The following POLN variants were observed in gnomAD, a reference collection of about 807,000 sequenced individuals.
POLN encodes the protein DNA polymerase N.
POLN carries 108 observed loss-of-function variants against 113.5 expected under a neutral mutation model. The observed-to-expected ratio is 0.95, with a 90% CI of 0.81 to 1.12. POLN has a LOEUF of 1.12. Among genes scored for constraint, POLN ranks in the 50% most tolerant of loss-of-function variants. POLN has a pLI of 0.00. For synonymous variants in POLN, 386 were observed against 391.5 expected (o/e 0.99, Z 0.17); for missense variants, 1,097 against 1,077.1 (o/e 1.02, Z -0.26).
intron 8 of POLN, chr4:2,177,181 A>G (rs1733018238): frequency 2.9e-6 from 1 of 340,658 alleles, no homozygotes; most frequent in African/African-American, 2.2e-5. Flanking sequence ...ACACCCCAAA[A>G]CTGACCATGT....
chr4:2,128,714 C>T (rs528686017), intron 18 of POLN, among the ~76,000 whole-genome samples: 12 of 152,220 alleles, frequency 7.9e-5, no homozygotes, highest in East Asian at 3.9e-4. Context: ...GGTGATGTGA[C>T]GGGACACTGC....
chr4:2,095,920 C>A lies in POLN; in HGVS notation c.1996G>T (p.Val666Leu), dbSNP rs571169469. ...TLTSQWKDVPVEQVTHADREQ... is the reference protein window; with the variant it reads ...TLTSQWKDVPLEQVTHADREQ... Reference sequence around the variant, plus strand: ...CTGTCTGCGTGTGTCACCTGTTCCACGGGCACATCCTTCCTGCATGGAGAG... The same window carrying A: ...CTGTCTGCGTGTGTCACCTGTTCCAAGGGCACATCCTTCCTGCATGGAGAG... Residue 666 changes from valine (V) to leucine (L), a missense_variant, in exon 20 of 26, where the codon GTG (valine) becomes TTG (leucine). Physicochemically the swap from Val to Leu is conservative, Grantham distance 32. Transcript: ENST00000511885. The A allele has an allele frequency of 1.2e-6, 2 of 1,614,160 alleles. No individual in the cohort carries two copies. Among genetic ancestry groups the A allele is most frequent in the Non-Finnish European group, 8.5e-7 (1 of 1,180,014 alleles).
At chr4:2,106,044 G>C (rs780755063) in intron 19 of POLN, among the ~76,000 whole-genome samples, 18 of 151,988 alleles carry the variant, frequency 1.2e-4, no homozygotes, top group African/African-American at 4.1e-4. Context: ...AGTTTACTCC[G>C]GTACTCTTTT....
intron 13 of POLN, 148 bp downstream of exon 13, chr4:2,170,531 C>T: frequency 1.6e-6 from 1 of 633,648 alleles, no homozygotes; most frequent in Non-Finnish European, 2.7e-6. Context: ...AGAAAAGCAA[C>T]CTTGGTGTGG....
chr4:2,222,117 G>A (rs1185114757), intron 3 of POLN, among the ~76,000 whole-genome samples: 1 of 152,054 alleles, frequency 6.6e-6, no homozygotes, highest in Non-Finnish European at 1.5e-5. Flanking sequence ...ATTCACATGG[G>A]TTTCGCCATG....
intron 7 of POLN, 130 bp downstream of exon 7, chr4:2,193,074 A>C (rs199548022): frequency 3.1e-6 from 2 of 643,746 alleles, no homozygotes; most frequent in East Asian, 6.3e-5. Context: ...GCCCATCAGG[A>C]GGCATATCAG....
rs776787267 is a variant in POLN, at chr4:2,073,013, G to A, written c.2472C>T (p.Thr824=). The A allele has an allele frequency of 5.0e-6, 8 of 1,613,518 alleles. No individual in the cohort carries two copies. In the East Asian group the frequency reaches 1.1e-4, roughly 22 times the overall value. The change falls in exon 25 of 26, where the codon ACC becomes ACT. Residue 824 remains threonine (T), a synonymous_variant. Coordinates refer to ENST00000511885, the MANE Select transcript of POLN (RefSeq NM_181808.4). ...CCTGCACCTGTTCCAAGGACTCCAT[G>A]GTCCTCCTGACGAGAGCTAGAGTGC... ...IPECAALVRR[T]MESLEQVQAL...
At chr4:2,183,327 T>C (rs1321312274) in intron 7 of POLN, among the ~76,000 whole-genome samples, 3 of 152,184 alleles carry the variant, frequency 2.0e-5, no homozygotes, top group Non-Finnish European at 4.4e-5. Context: ...GTTGAAAATA[T>C]GTCCACGCAA....
chr4:2,075,432 C>T lies in POLN; in HGVS notation c.2455+20G>A, dbSNP rs372841495. The T allele has an allele frequency of 4.3e-6, 7 of 1,612,818 alleles. No individual in the cohort carries two copies. The African/African-American group carries it at 9.3e-5, about 22-fold the overall frequency. ...TAGCTGTCTGTGATGTCCAAGCAAC[C>T]CTGTGTTGCCCCAGGCTACCTGCAC... is the stretch of plus-strand genomic sequence containing the variant. On this transcript the variant is annotated intron_variant, in intron 24 of 25. Coordinates refer to ENST00000511885, the MANE Select transcript of POLN (RefSeq NM_181808.4).
intron 3 of POLN, among the ~76,000 whole-genome samples, chr4:2,215,818 T>C (rs1734099972): frequency 6.6e-6 from 1 of 152,208 alleles, no homozygotes; most frequent in African/African-American, 2.4e-5. Flanking sequence ...TGGGATGAAC[T>C]ACATCTTGCT....
chr4:2,115,991 C>T (rs1731308235), intron 19 of POLN, among the ~76,000 whole-genome samples: 1 of 152,194 alleles, frequency 6.6e-6, no homozygotes, highest in Non-Finnish European at 1.5e-5. Flanking sequence ...GTTCACTTTG[C>T]CCTCTAGTCC....
Position 2,170,787 on chromosome 4 carries a change from A to C in POLN, c.1459-13T>G. 1 of 1,605,628 alleles carries C rather than the reference A, an allele frequency of 6.2e-7. No homozygotes were observed. ...TGCCAAAGAGGATCTTCAACAAAACAAATTAAACATGGTGAGGGAATCTCA... is the reference window on the plus strand; with the variant it reads ...TGCCAAAGAGGATCTTCAACAAAACCAATTAAACATGGTGAGGGAATCTCA... On this transcript the variant is annotated splice_polypyrimidine_tract_variant and intron_variant, in intron 12 of 25. Transcript: ENST00000511885.
intron 7 of POLN, among the ~76,000 whole-genome samples, chr4:2,182,991 C>T (rs1407161760): frequency 6.6e-6 from 1 of 151,888 alleles, no homozygotes; most frequent in Non-Finnish European, 1.5e-5. Flanking sequence ...TTAAAATGGG[C>T]AAAATATTTG....
intron 2 of POLN, among the ~76,000 whole-genome samples, chr4:2,232,640 AT>A (rs1434496089): frequency 6.6e-6 from 1 of 152,014 alleles, no homozygotes; most frequent in South Asian, 2.1e-4. Flanking sequence ...TCCATTTTTC[AT>A]TTTTTCATAT....
chr4:2,084,343 C>T (rs1730500118), intron 21 of POLN, among the ~76,000 whole-genome samples: 1 of 152,136 alleles, frequency 6.6e-6, no homozygotes, highest in African/African-American at 2.4e-5. Context: ...CTGCGCAGGT[C>T]GCCAGCTCCA....
intron 7 of POLN, among the ~76,000 whole-genome samples, chr4:2,192,647 C>T (rs6824531): frequency 0.25 from 38,382 of 151,674 alleles, 7,643 homozygotes; most frequent in African/African-American, 0.54. Context: ...CATGTCCATC[C>T]AGTTTTCAAA....
rs369614779 is a variant in POLN at position 2,081,690 on chromosome 4, G to C, written c.2251C>G (p.His751Asp). 1 of 1,614,194 alleles carries C rather than the reference G, an allele frequency of 6.2e-7. No individual in the cohort carries two copies. Among genetic ancestry groups the C allele is most frequent in the Non-Finnish European group, 8.5e-7 (1 of 1,180,038 alleles). Residue 751 changes from histidine (H) to aspartate (D), a missense_variant, in exon 22 of 26, where the codon CAT becomes GAT. Coordinates refer to ENST00000511885, the MANE Select transcript of POLN (RefSeq NM_181808.4). ...RRRPLPRIHA[H>D]DQQLRAQAER... Reference sequence around the variant, plus strand: ...GCTTGTGCCCGGAGTTGCTGGTCATGAGCGTGAATCCTTGGCAGGGGTCTC... The same window carrying C: ...GCTTGTGCCCGGAGTTGCTGGTCATCAGCGTGAATCCTTGGCAGGGGTCTC...
intron 5 of POLN, among the ~76,000 whole-genome samples, chr4:2,207,477 G>A (rs1036649826): frequency 1.1e-4 from 17 of 151,954 alleles, no homozygotes; most frequent in African/African-American, 3.9e-4. Context: ...CAGAAATTGG[G>A]AGACGTATAA....
At chr4:2,149,620 T>TA (rs960490778) in intron 16 of POLN, among the ~76,000 whole-genome samples, 11 of 151,928 alleles carry the variant, frequency 7.2e-5, no homozygotes, top group Admixed American at 2.0e-4. Flanking sequence ...GACCCATCTC[T>TA]AAAAAAAATT....
Sources: gnomAD v4.1 joint callset for allele counts (sites outside exome capture counted in the v4.1 genomes callset) on GRCh38, gnomAD v4.1.1 for gene constraint, MANE v1.5 for transcripts, NCBI Gene and HGNC (gene_info 2026-07-23, HGNC 2026-07-21) for gene names.